LRP1B: variants seen among roughly 807,000 people sequenced by gnomAD.
LRP1B encodes the protein low-density lipoprotein receptor-related protein 1B.
Under a neutral mutation model 556.6 loss-of-function variants are expected in LRP1B, and 217 were observed. The observed-to-expected ratio is 0.39, with a 90% confidence interval of 0.35 to 0.44. The LOEUF (loss-of-function observed/expected upper bound fraction) is 0.44, where lower values mean the gene tolerates loss of function less well. Among genes scored for constraint, LRP1B ranks in the 20% least tolerant of loss-of-function variants. LRP1B has a pLI of 1.00. For synonymous variants in LRP1B, 2,047 were observed against 1,865.8 expected, an observed-to-expected ratio of 1.10 and a Z score of -2.50; for missense variants, 5,053 against 5,620.8, an observed-to-expected ratio of 0.90 and a Z score of 3.23.
chr2:140,570,916 C>A (rs568469609), intron 43 of LRP1B, among the ~76,000 whole-genome samples: 1 of 151,620 alleles, frequency 6.6e-6, no homozygotes, highest in Non-Finnish European at 1.5e-5. Context: ...GAAACAGAAA[C>A]CATATAATCA....
intron 75 of LRP1B, among the ~76,000 whole-genome samples, chr2:140,353,631 G>T (rs916632416): frequency 1.3e-5 from 2 of 151,914 alleles, no homozygotes; most frequent in Non-Finnish European, 2.9e-5. Flanking sequence ...AGCCTTCCTT[G>T]GTCTCCAACC....
At chr2:141,532,850 G>A (rs1684934834) in intron 2 of LRP1B, among the ~76,000 whole-genome samples, 2 of 152,140 alleles carry the variant, frequency 1.3e-5, no homozygotes, top group African/African-American at 2.4e-5. Context: ...GCCGGGTATG[G>A]TGGTGCATGC....
chr2:141,753,204 C>A lies in LRP1B; in HGVS notation c.205+57075G>T, dbSNP rs1694182711. Among the ~76,000 whole-genome samples, 9 of 135,268 alleles carry A rather than the reference C, an allele frequency of 6.7e-5. No homozygotes were observed. In the South Asian group the frequency reaches 2.2e-3, roughly 32 times the overall value. 88.7% of individuals were successfully genotyped at this position (135,268 alleles called of 152,430 possible). On this transcript the variant is annotated intron_variant, in intron 2 of 90. Coordinates refer to ENST00000389484, the MANE Select transcript of LRP1B (RefSeq NM_018557.3). ...GGGAGGTTGCGGTGAGCCCAGATTG[C>A]ACCATTGCACTCCAGCCTGGGCAAC...
At chr2:141,330,485 C>A (rs757405994) in intron 3 of LRP1B, among the ~76,000 whole-genome samples, 2 of 152,060 alleles carry the variant, frequency 1.3e-5, no homozygotes, top group Non-Finnish European at 2.9e-5. Flanking sequence ...AGACATATTG[C>A]GTGTTAAAAT....
chr2:142,010,482 G>T (rs1448738606), intron 1 of LRP1B, among the ~76,000 whole-genome samples: 1 of 149,584 alleles, frequency 6.7e-6, no homozygotes, highest in Non-Finnish European at 1.5e-5. Flanking sequence ...GTGAACCCGG[G>T]AGGCGGAGCT....
At chr2:140,325,004 G>GCTATATTCAGTAAATAT (rs1388502545) in intron 80 of LRP1B, among the ~76,000 whole-genome samples, 2 of 151,396 alleles carry the variant, frequency 1.3e-5, no homozygotes, top group South Asian at 2.1e-4. Flanking sequence ...GGGAAGCAAA[G>GCTATATTCAGTAAATAT]CTATATTCAG....
intron 1 of LRP1B, among the ~76,000 whole-genome samples, chr2:142,036,105 G>A (rs1180014084): frequency 1.3e-5 from 2 of 151,594 alleles, no homozygotes; most frequent in South Asian, 4.2e-4. Flanking sequence ...TTAATCAGCA[G>A]CATAAAAACA....
At chr2:140,487,018 C>T (rs555997367) in intron 58 of LRP1B, among the ~76,000 whole-genome samples, 3 of 151,748 alleles carry the variant, frequency 2.0e-5, no homozygotes, top group Non-Finnish European at 3.0e-5. Context: ...TGTTTTAATG[C>T]GTATATATAG....
At chr2:140,419,861 A>T (rs1283303290) in intron 66 of LRP1B, among the ~76,000 whole-genome samples, 1 of 152,092 alleles carries the variant, frequency 6.6e-6, no homozygotes, top group Non-Finnish European at 1.5e-5. Flanking sequence ...TACAAAAATT[A>T]GTCCTGCATG....
intron 66 of LRP1B, among the ~76,000 whole-genome samples, chr2:140,407,066 G>T (rs1684772905): frequency 6.6e-6 from 1 of 151,846 alleles, no homozygotes; most frequent in Non-Finnish European, 1.5e-5. Flanking sequence ...ATCTTTGAGA[G>T]AGTATACAGA....
chr2:142,079,536 C>T (rs1401256427), intron 1 of LRP1B, among the ~76,000 whole-genome samples: 1 of 151,666 alleles, frequency 6.6e-6, no homozygotes, highest in Non-Finnish European at 1.5e-5. Context: ...GAGGTGAAGT[C>T]TCACTGTGTC....
intron 3 of LRP1B, among the ~76,000 whole-genome samples, chr2:141,271,028 C>G (rs1685070458): frequency 6.6e-6 from 1 of 151,858 alleles, no homozygotes; most frequent in East Asian, 1.9e-4. Context: ...AATGCCCCAT[C>G]AACAGAAGTA....
chr2:141,560,847 A>G (rs1306632507), intron 2 of LRP1B, among the ~76,000 whole-genome samples: 1 of 151,634 alleles, frequency 6.6e-6, no homozygotes, highest in Non-Finnish European at 1.5e-5. Flanking sequence ...TGTGTCAGGA[A>G]ATATAACCTC....
intron 2 of LRP1B, among the ~76,000 whole-genome samples, chr2:141,804,310 T>A (rs946999742): frequency 2.0e-5 from 3 of 152,120 alleles, no homozygotes; most frequent in African/African-American, 7.2e-5. Flanking sequence ...CTTTATTTTT[T>A]AAAAATGAGA....
chr2:140,447,703 C>T (rs954036177), intron 63 of LRP1B, among the ~76,000 whole-genome samples: 7 of 152,084 alleles, frequency 4.6e-5, no homozygotes, highest in Admixed American at 4.6e-4. Context: ...CTGACTGATA[C>T]AAGAAGCATA....
In LRP1B at chr2:140,751,371, C is replaced by T. The variant is rs141384595; in HGVS notation, c.5758+17842G>A. Among the ~76,000 whole-genome samples, 1,044 of 152,234 alleles carry T rather than the reference C, an allele frequency of 6.9e-3. 4 individuals are homozygous for T. The highest frequency in any genetic ancestry group is 0.011 in the Non-Finnish European group (762 of 68,010). On this transcript the variant is annotated intron_variant, in intron 35 of 90. Transcript: ENST00000389484. The stretch of plus-strand genomic sequence containing the variant: ...ATATATAAATGGAAGTGAACTATAG[C>T]AACGTGAATGAACCTAGGTTTTTTA...
intron 22 of LRP1B, among the ~76,000 whole-genome samples, chr2:140,907,283 G>T (rs114270729): frequency 6.6e-6 from 1 of 151,948 alleles, no homozygotes; most frequent in Non-Finnish European, 1.5e-5. Context: ...TGTATGTGCT[G>T]GTTGGTAAGA....
chr2:141,201,785 C>CTGGACTGAATACTTTTAG (rs1040907473), intron 6 of LRP1B, among the ~76,000 whole-genome samples: 1 of 152,052 alleles, frequency 6.6e-6, no homozygotes, highest in African/African-American at 2.4e-5. Flanking sequence ...GAAGAAGATT[C>CTGGACTGAATACTTTTAG]TGGACTGAAT....
At chr2:141,287,074 A>G (rs1416388515) in intron 3 of LRP1B, among the ~76,000 whole-genome samples, 1 of 152,168 alleles carries the variant, frequency 6.6e-6, no homozygotes, top group East Asian at 1.9e-4. Context: ...CTAAAAATCT[A>G]TGTTCCCTCT....
Sources: allele counts gnomAD v4.1 joint callset (sites outside exome capture counted in the v4.1 genomes callset), GRCh38; gene constraint gnomAD v4.1.1; transcripts MANE v1.5; gene names NCBI Gene and HGNC (gene_info 2026-07-23, HGNC 2026-07-21).